BOD1L2: variants seen among roughly 807,000 people sequenced by gnomAD.
BOD1L2 encodes the protein biorientation of chromosomes in cell division 1 like 2, also known as biorientation of chromosomes in cell division protein 1-like 2.
A neutral mutation model predicts 5.3 loss-of-function variants in BOD1L2; 6 were observed. The ratio of observed to expected loss-of-function variants is 1.14; its 90% CI spans 0.62 to 2.25. The LOEUF is 2.25. Ranked by LOEUF, BOD1L2 falls within the 30% of genes most tolerant of loss-of-function variation. The pLI, the probability that BOD1L2 is intolerant of heterozygous loss-of-function variation, is 0.00. For missense variants in BOD1L2, 210 were observed against 227.2 expected (o/e 0.92, Z 0.49); for synonymous variants, 96 against 96.3 (o/e 1.00, Z 0.02).
rs1194859874 is a variant in BOD1L2, at chr18:57,149,113, A to G, written c.*1282A>G. On this transcript the variant is annotated 3_prime_UTR_variant, in exon 1 of 1. Transcript: ENST00000585477. Reference sequence around the variant, plus strand: ...TATAAATGTAGAAACCAAAGCTCAGACACTGCCTAAGTGGTGGGGCTGGGG... The same window carrying G: ...TATAAATGTAGAAACCAAAGCTCAGGCACTGCCTAAGTGGTGGGGCTGGGG... 1 of 152,250 alleles carries G rather than the reference A, an allele frequency of 6.6e-6. No homozygotes were observed. The highest frequency in any genetic ancestry group is 1.5e-5 in the Non-Finnish European group (1 of 68,048). The allele number at this position is 152,250 out of a possible 1,614,324, so 9.4% of individuals were successfully genotyped here.
rs1051134819 is a variant in BOD1L2, at chr18:57,147,192, C to T, written c.-121C>T. 1.4e-5 allele frequency: 15 copies of T among 1,057,234 alleles called. No individual in the cohort carries two copies. The Middle Eastern group carries it at 1.3e-3, about 92-fold the overall frequency. 65.5% of individuals were successfully genotyped at this position (1,057,234 alleles called of 1,614,324 possible). A position where few individuals can be genotyped will look rare whatever the true frequency, so the allele number is the denominator to read the frequency against. The stretch of plus-strand genomic sequence containing the variant: ...CCGCCATCACCACCACCGTCACCTC[C>T]GCCGCTGCCTCCTTGGGGCCCTCCT... On this transcript the variant is annotated 5_prime_UTR_variant, in exon 1 of 1. Coordinates refer to ENST00000585477, the MANE Select transcript of BOD1L2 (RefSeq NM_001257964.2).
In BOD1L2 at chr18:57,150,335, C is replaced by A. The variant is rs7234572; in HGVS notation, c.*2504C>A. On this transcript the variant is annotated 3_prime_UTR_variant, in exon 1 of 1. Transcript: ENST00000585477. The stretch of plus-strand genomic sequence containing the variant: ...GCTCATTACGTGCGTGCGTGCATGC[C>A]TGCCCACTGGTCCCTGCTAAATAAT... 0.27 allele frequency: 39,943 copies of A among 149,036 alleles called. 5,410 individuals carry two copies. The highest frequency in any genetic ancestry group is 0.35 in the South Asian group (1,705 of 4,816). The allele number at this position is 149,036 out of a possible 1,614,324, so 9.2% of individuals were successfully genotyped here.
Position 57,148,297 on chromosome 18 carries a change from C to G in BOD1L2, c.*466C>G, listed in dbSNP as rs1020538901. On this transcript the variant is annotated 3_prime_UTR_variant, in exon 1 of 1. Transcript: ENST00000585477. ...TTTGACAGTACTTATTTGATATTGT[C>G]TCTCAGAGTTGCAAACTAGATTGTA... is the stretch of plus-strand genomic sequence containing the variant. The G allele has an allele frequency of 6.3e-6, 1 of 157,880 alleles. No individual in the cohort carries two copies. The highest frequency in any genetic ancestry group is 1.8e-4 in the East Asian group (1 of 5,510). 9.8% of individuals were successfully genotyped at this position (157,880 alleles called of 1,614,324 possible).
rs2048945181 is a variant in BOD1L2, at chr18:57,149,637, C to G, written c.*1806C>G. On this transcript the variant is annotated 3_prime_UTR_variant, in exon 1 of 1. Coordinates refer to ENST00000585477, the MANE Select transcript of BOD1L2 (RefSeq NM_001257964.2). ...TTTAAAATTAGCTTCTGAATATGAA[C>G]AACCCAGCTCTTTAAAGTTTAATGT... 1.3e-5 allele frequency: 2 copies of G among 152,174 alleles called. 1 individual carries two copies. The highest frequency in any genetic ancestry group is 4.1e-4 in the South Asian group (2 of 4,824). 9.4% of individuals were successfully genotyped at this position (152,174 alleles called of 1,614,324 possible). A position where few individuals can be genotyped will look rare whatever the true frequency, so the allele number is the denominator to read the frequency against.
chr18:57,150,367 C>G lies in BOD1L2; in HGVS notation c.*2536C>G, dbSNP rs1390529418. On this transcript the variant is annotated 3_prime_UTR_variant, in exon 1 of 1. Transcript: ENST00000585477. ...CTGGTCCCTGCTAAATAATTCCCTT[C>G]TTGCAATCCAGAAGGATAAATAAAT... 1.3e-5 allele frequency: 2 copies of G among 152,204 alleles called. No individual in the cohort carries two copies. Among genetic ancestry groups the G allele is most frequent in the Admixed American group, 6.5e-5 (1 of 15,280 alleles). The allele number at this position is 152,204 out of a possible 1,614,324, so 9.4% of individuals were successfully genotyped here. A position where few individuals can be genotyped will look rare whatever the true frequency, so the allele number is the denominator to read the frequency against.
chr18:57,147,845 A>G lies in BOD1L2; in HGVS notation c.*14A>G, dbSNP rs1321975177. 6.4e-7 allele frequency: 1 copy of G among 1,573,898 alleles called. No individual in the cohort carries two copies. Among genetic ancestry groups the G allele is most frequent in the East Asian group, 2.3e-5 (1 of 44,396 alleles). Reference sequence around the variant, plus strand: ...GACACTTCCTAAGAATATGCCTGACAGCTTTTGAAAGCGCTATTTAATTTT... The same window carrying G: ...GACACTTCCTAAGAATATGCCTGACGGCTTTTGAAAGCGCTATTTAATTTT... On this transcript the variant is annotated 3_prime_UTR_variant, in exon 1 of 1. Transcript: ENST00000585477.
In BOD1L2 at chr18:57,147,173, T is replaced by G. The variant is rs1320224595; in HGVS notation, c.-140T>G. 2 of 993,030 alleles carry G rather than the reference T, an allele frequency of 2.0e-6. No individual in the cohort carries two copies. Among genetic ancestry groups the G allele is most frequent in the Non-Finnish European group, 2.5e-6 (2 of 815,858 alleles). The allele number at this position is 993,030 out of a possible 1,614,324, so 61.5% of individuals were successfully genotyped here. ...GCCCCAACCACCGGCCCCGCCGCCATCACCACCACCGTCACCTCCGCCGCT... is the reference window on the plus strand; with the variant it reads ...GCCCCAACCACCGGCCCCGCCGCCAGCACCACCACCGTCACCTCCGCCGCT... On this transcript the variant is annotated 5_prime_UTR_variant, in exon 1 of 1. Transcript: ENST00000585477.
Position 57,147,307 on chromosome 18 carries a change from G to A in BOD1L2, c.-6G>A, listed in dbSNP as rs985748823. ...ATCGGTTTCCTTGTGGGCCCGGTGCGCAGCCATGGCGGACGGTGGCGGCGG... is the reference window on the plus strand; with the variant it reads ...ATCGGTTTCCTTGTGGGCCCGGTGCACAGCCATGGCGGACGGTGGCGGCGG... On this transcript the variant is annotated 5_prime_UTR_variant, in exon 1 of 1. Transcript: ENST00000585477. 3.4e-6 allele frequency: 4 copies of A among 1,168,752 alleles called. No individual in the cohort carries two copies. Among genetic ancestry groups the A allele is most frequent in the African/African-American group, 3.3e-5 (2 of 60,586 alleles). 72.4% of individuals were successfully genotyped at this position (1,168,752 alleles called of 1,614,324 possible).
Position 57,150,408 on chromosome 18 carries a change from C to G in BOD1L2, c.*2577C>G, listed in dbSNP as rs1183962354. 1.3e-5 allele frequency: 2 copies of G among 152,152 alleles called. No individual in the cohort carries two copies. Among genetic ancestry groups the G allele is most frequent in the African/African-American group, 4.8e-5 (2 of 41,426 alleles). 9.4% of individuals were successfully genotyped at this position (152,152 alleles called of 1,614,324 possible). On this transcript the variant is annotated 3_prime_UTR_variant, in exon 1 of 1. Transcript: ENST00000585477. Reference sequence around the variant, plus strand: ...ATAAATAAATGTAATTTCTGGAATTCTATACATTCTTATCAATGAACTACA... The same window carrying G: ...ATAAATAAATGTAATTTCTGGAATTGTATACATTCTTATCAATGAACTACA...
rs1417654377 is a variant in BOD1L2 at position 57,149,050 on chromosome 18, G to A, written c.*1219G>A. 1 of 152,212 alleles carries A rather than the reference G, an allele frequency of 6.6e-6. No homozygotes were observed. The highest frequency in any genetic ancestry group is 1.9e-4 in the East Asian group (1 of 5,200). 9.4% of individuals were successfully genotyped at this position (152,212 alleles called of 1,614,324 possible). On this transcript the variant is annotated 3_prime_UTR_variant, in exon 1 of 1. Coordinates refer to ENST00000585477, the MANE Select transcript of BOD1L2 (RefSeq NM_001257964.2). ...CGTAGTAAGTCCTCATGATCTAATT[G>A]AAGAAATCGTATCTTTATTCCCATT...
chr18:57,150,362 C>A lies in BOD1L2; in HGVS notation c.*2531C>A, dbSNP rs1392359034. On this transcript the variant is annotated 3_prime_UTR_variant, in exon 1 of 1. Transcript: ENST00000585477. ...GCCCACTGGTCCCTGCTAAATAATT[C>A]CCTTCTTGCAATCCAGAAGGATAAA... 2.0e-5 allele frequency: 3 copies of A among 152,180 alleles called. No homozygotes were observed. The highest frequency in any genetic ancestry group is 7.2e-5 in the African/African-American group (3 of 41,440). The allele number at this position is 152,180 out of a possible 1,614,324, so 9.4% of individuals were successfully genotyped here.
At position 57,148,844 on chromosome 18, in the gene BOD1L2, C is replaced by G. The variant is rs142397975; in HGVS notation, c.*1013C>G. ...GAATGCCCTCAACCACTCCTACCCT[C>G]CTTTAAGACTCAGCTCCTGAGGAGC... On this transcript the variant is annotated 3_prime_UTR_variant, in exon 1 of 1. Transcript: ENST00000585477. 1 of 152,332 alleles carries G rather than the reference C, an allele frequency of 6.6e-6. No individual in the cohort carries two copies. The highest frequency in any genetic ancestry group is 1.5e-5 in the Non-Finnish European group (1 of 68,062). 9.4% of individuals were successfully genotyped at this position (152,332 alleles called of 1,614,324 possible).
In BOD1L2 at chr18:57,148,104, C is replaced by A; in HGVS notation, c.*273C>A. On this transcript the variant is annotated 3_prime_UTR_variant, in exon 1 of 1. Transcript: ENST00000585477. Reference sequence around the variant, plus strand: ...CACACTACAGAGAGGGAAACACTACCGCGACCCAGGATTGTCCTGAAACAG... The same window carrying A: ...CACACTACAGAGAGGGAAACACTACAGCGACCCAGGATTGTCCTGAAACAG... The A allele has an allele frequency of 2.8e-6, 1 of 351,990 alleles. No individual in the cohort carries two copies. The highest frequency in any genetic ancestry group is 8.2e-4 in the Middle Eastern group (1 of 1,226). 21.8% of individuals were successfully genotyped at this position (351,990 alleles called of 1,614,324 possible).
At position 57,149,287 on chromosome 18, in the gene BOD1L2, GTTCA is replaced by G. The variant is rs2048943808; in HGVS notation, c.*1459_*1462del. 1 of 152,198 alleles carries G rather than the reference GTTCA, an allele frequency of 6.6e-6. No individual in the cohort carries two copies. Among genetic ancestry groups the G allele is most frequent in the South Asian group, 2.1e-4 (1 of 4,824 alleles). 9.4% of individuals were successfully genotyped at this position (152,198 alleles called of 1,614,324 possible). ...TTCCTCCAGGGCAGGGATTTGCTTT[GTTCA>G]TTTCTTTTCCTTAACCCCAGGACCT... On this transcript the variant is annotated 3_prime_UTR_variant, in exon 1 of 1. Coordinates refer to ENST00000585477, the MANE Select transcript of BOD1L2 (RefSeq NM_001257964.2).
rs1238918442 is a variant in BOD1L2, at chr18:57,148,756, CAT to C, written c.*928_*929del. ...TGCTGCCCCGTACACTGTCATTTCT[CAT>C]ATGACAACCATGCCCATGACTATCC... On this transcript the variant is annotated 3_prime_UTR_variant, in exon 1 of 1. Coordinates refer to ENST00000585477, the MANE Select transcript of BOD1L2 (RefSeq NM_001257964.2). 6.6e-6 allele frequency: 1 copy of C among 152,272 alleles called. No homozygotes were observed. The highest frequency in any genetic ancestry group is 1.5e-5 in the Non-Finnish European group (1 of 68,060). The allele number at this position is 152,272 out of a possible 1,614,324, so 9.4% of individuals were successfully genotyped here.
chr18:57,148,753 T>C lies in BOD1L2; in HGVS notation c.*922T>C, dbSNP rs1407706372. 6.6e-6 allele frequency: 1 copy of C among 152,254 alleles called. No homozygotes were observed. Among genetic ancestry groups the C allele is most frequent in the East Asian group, 1.9e-4 (1 of 5,200 alleles). The allele number at this position is 152,254 out of a possible 1,614,324, so 9.4% of individuals were successfully genotyped here. Reference sequence around the variant, plus strand: ...CTCTGCTGCCCCGTACACTGTCATTTCTCATATGACAACCATGCCCATGAC... The same window carrying C: ...CTCTGCTGCCCCGTACACTGTCATTCCTCATATGACAACCATGCCCATGAC... On this transcript the variant is annotated 3_prime_UTR_variant, in exon 1 of 1. Transcript: ENST00000585477.
chr18:57,148,010 G>A lies in BOD1L2; in HGVS notation c.*179G>A. ...GGGAAGCAAGTTCGCCAGAGAGAAA[G>A]TTGACCGTGGCACCCTCCTGCATTG... On this transcript the variant is annotated 3_prime_UTR_variant, in exon 1 of 1. Transcript: ENST00000585477. 2.8e-6 allele frequency: 2 copies of A among 710,620 alleles called. No homozygotes were observed. Among genetic ancestry groups the A allele is most frequent in the Non-Finnish European group, 4.5e-6 (2 of 448,938 alleles). 44.0% of individuals were successfully genotyped at this position (710,620 alleles called of 1,614,324 possible).
chr18:57,148,042 C>G lies in BOD1L2; in HGVS notation c.*211C>G. 4 of 536,634 alleles carry G rather than the reference C, an allele frequency of 7.5e-6. No homozygotes were observed. The highest frequency in any genetic ancestry group is 1.3e-5 in the Non-Finnish European group (4 of 308,004). The allele number at this position is 536,634 out of a possible 1,614,324, so 33.2% of individuals were successfully genotyped here. ...GTGGCACCCTCCTGCATTGCGCTGC[C>G]ATTTGGCCAGCCTTTCCAAGGGCAT... On this transcript the variant is annotated 3_prime_UTR_variant, in exon 1 of 1. Transcript: ENST00000585477.
Position 57,147,896 on chromosome 18 carries a change from T to C in BOD1L2, c.*65T>C. 1 of 1,464,868 alleles carries C rather than the reference T, an allele frequency of 6.8e-7. No individual in the cohort carries two copies. The highest frequency in any genetic ancestry group is 1.4e-5 in the South Asian group (1 of 73,968). The allele number at this position is 1,464,868 out of a possible 1,614,324, so 90.7% of individuals were successfully genotyped here. ...TGGTGAAGAAATGGATTCGGTTACA[T>C]AAGAGTGCAGTTTCAGATTGAAGAT... On this transcript the variant is annotated 3_prime_UTR_variant, in exon 1 of 1. Coordinates refer to ENST00000585477, the MANE Select transcript of BOD1L2 (RefSeq NM_001257964.2).
Sources: allele counts gnomAD v4.1 joint callset, GRCh38; gene constraint gnomAD v4.1.1; transcripts MANE v1.5; gene names NCBI Gene and HGNC (gene_info 2026-07-23, HGNC 2026-07-21).